Variants in VAV3 observed in about 807,000 individuals in gnomAD.
VAV3 encodes the protein guanine nucleotide exchange factor VAV3.
Under a neutral mutation model 131.2 loss-of-function variants are expected in VAV3, and 94 were observed. The ratio of observed to expected loss-of-function variants is 0.72; its 90% CI spans 0.61 to 0.85. VAV3 has a LOEUF of 0.85. Among genes scored for constraint, VAV3 ranks in the 40% least tolerant of loss-of-function variants. VAV3 has a pLI of 0.00. For synonymous variants in VAV3, 349 were observed against 342.0 expected (o/e 1.02, Z -0.22); for missense variants, 939 against 1,002.7 (o/e 0.94, Z 0.86).
intron 19 of VAV3, among the ~76,000 whole-genome samples, chr1:107,676,921 C>T (rs1570735851): frequency 6.6e-6 from 1 of 152,122 alleles, no homozygotes; most frequent in East Asian, 1.9e-4. Flanking sequence ...GTTTGTATGT[C>T]TTAACTCTCC....
At position 107,772,837 on chromosome 1, in the gene VAV3, G is replaced by A. The variant is rs771067180; in HGVS notation, c.453C>T (p.Thr151=). ...AGAGATCTTCTTCATCTTCCACAAG[G>A]GTTTCACTACAACAAAGGATATCAT... ...YKGLPDLIDE[T]LVEDEEDLYD... Residue 151 remains threonine, a synonymous_variant, in exon 5 of 27, where the codon ACC becomes ACT. Coordinates refer to ENST00000370056, the MANE Select transcript of VAV3 (RefSeq NM_006113.5). The A allele has an allele frequency of 1.9e-6, 3 of 1,612,396 alleles. No homozygotes were observed. The highest frequency in any genetic ancestry group is 2.2e-5 in the East Asian group (1 of 44,772).
chr1:107,747,941 C>G (rs1174353545), intron 15 of VAV3, among the ~76,000 whole-genome samples: 1 of 151,832 alleles, frequency 6.6e-6, no homozygotes, highest in Admixed American at 6.6e-5. Flanking sequence ...TTTCTTAAAA[C>G]AAGGAAAAAA....
At chr1:107,692,990 TG>T (rs1218246888) in intron 17 of VAV3, among the ~76,000 whole-genome samples, 7 of 151,824 alleles carry the variant, frequency 4.6e-5, no homozygotes, top group Non-Finnish European at 7.4e-5. Flanking sequence ...TGTAGTGTAG[TG>T]GGGGGAAAAG....
At position 107,964,859 on chromosome 1, in the gene VAV3, C is replaced by A; in HGVS notation, c.11G>T (p.Trp4Leu). Residue 4 changes from tryptophan (W) to leucine (L), a missense_variant, in exon 1 of 27, where the codon TGG (tryptophan) becomes TTG (leucine). Coordinates refer to ENST00000370056, the MANE Select transcript of VAV3 (RefSeq NM_006113.5). ...GATGAGCCACTGCGCGCACTGCTTCCACGGCTCCATGCCCGACGGCTCCGG... is the reference window on the plus strand; with the variant it reads ...GATGAGCCACTGCGCGCACTGCTTCAACGGCTCCATGCCCGACGGCTCCGG... The part of the protein sequence containing the change: MEP[W>L]KQCAQWLIHC... 6.2e-7 allele frequency: 1 copy of A among 1,601,958 alleles called. No homozygotes were observed. The highest frequency in any genetic ancestry group is 1.1e-5 in the South Asian group (1 of 89,060).
intron 12 of VAV3, among the ~76,000 whole-genome samples, chr1:107,754,115 C>T (rs139337396): frequency 5.3e-5 from 8 of 152,090 alleles, no homozygotes; most frequent in Non-Finnish European, 8.8e-5. Flanking sequence ...GTAAAGTTTA[C>T]GGGCAGTTAT....
rs1664666587 is a variant in VAV3 at position 107,765,114 on chromosome 1, T to C, written c.883A>G (p.Ile295Val). The C allele has an allele frequency of 1.2e-6, 2 of 1,613,394 alleles. No individual in the cohort carries two copies. Among genetic ancestry groups the C allele is most frequent in the Non-Finnish European group, 8.5e-7 (1 of 1,179,582 alleles). ...TTGACATCTTCTTTTGTCTTAGAAA[T>C]GTAGTCTAAACTAGAGATGGCTGAC... Reference protein sequence around the residue: ...VESAISSLDYISKTKEDVKLK... With the variant: ...VESAISSLDYVSKTKEDVKLK... Residue 295 changes from isoleucine (I) to valine (V), a missense_variant, in exon 9 of 27, where the codon ATT becomes GTT. Physicochemically the swap from Ile to Val is conservative, Grantham distance 29. Coordinates refer to ENST00000370056, the MANE Select transcript of VAV3 (RefSeq NM_006113.5).
intron 1 of VAV3, among the ~76,000 whole-genome samples, chr1:107,921,173 C>T (rs889396143): frequency 6.6e-6 from 1 of 152,176 alleles, no homozygotes; most frequent in African/African-American, 2.4e-5. Context: ...CAATCCCATC[C>T]GCTCTCTCAT....
intron 15 of VAV3, among the ~76,000 whole-genome samples, chr1:107,722,547 T>A (rs1661560102): frequency 6.6e-6 from 1 of 152,120 alleles, no homozygotes; most frequent in South Asian, 2.1e-4. Flanking sequence ...TTCCAACAAA[T>A]GGACTTATTT....
intron 1 of VAV3, among the ~76,000 whole-genome samples, chr1:107,951,762 A>G (rs553240440): frequency 6.6e-6 from 1 of 152,094 alleles, no homozygotes; most frequent in Non-Finnish European, 1.5e-5. Flanking sequence ...AATCAAAACC[A>G]TAATGAGATA....
At chr1:107,591,505 A>T (rs189501296) in intron 25 of VAV3, among the ~76,000 whole-genome samples, 1 of 152,246 alleles carries the variant, frequency 6.6e-6, no homozygotes, top group East Asian at 1.9e-4. Flanking sequence ...TTCAAATATG[A>T]TCTGTTCAGT....
chr1:107,889,203 T>C (rs1362938596), intron 1 of VAV3, among the ~76,000 whole-genome samples: 1 of 151,290 alleles, frequency 6.6e-6, no homozygotes, highest in Non-Finnish European at 1.5e-5. Context: ...TTTCAGGGCA[T>C]ATAACAATGC....
intron 25 of VAV3, among the ~76,000 whole-genome samples, chr1:107,595,167 C>T (rs1006136646): frequency 3.9e-5 from 6 of 152,096 alleles, no homozygotes; most frequent in Admixed American, 2.6e-4. Flanking sequence ...AAAGTTCGCT[C>T]TACTTTCATT....
chr1:107,946,984 C>T (rs1195030109), intron 1 of VAV3, among the ~76,000 whole-genome samples: 2 of 152,210 alleles, frequency 1.3e-5, no homozygotes. Context: ...ACAGCACAGA[C>T]AGTGGTGTCC....
At chr1:107,648,337 T>C (rs1655894271) in intron 19 of VAV3, among the ~76,000 whole-genome samples, 1 of 152,064 alleles carries the variant, frequency 6.6e-6, no homozygotes, top group African/African-American at 2.4e-5. Flanking sequence ...TATGATAATG[T>C]CTTTGGAAGT....
At chr1:107,855,823 A>AC (rs1270399863) in intron 2 of VAV3, among the ~76,000 whole-genome samples, 13 of 152,216 alleles carry the variant, frequency 8.5e-5, no homozygotes, top group African/African-American at 1.4e-4. Flanking sequence ...AAGATGTCTC[A>AC]CAGCTCTTCC....
chr1:107,758,656 G>A (rs908545557), intron 10 of VAV3, among the ~76,000 whole-genome samples: 4 of 152,140 alleles, frequency 2.6e-5, no homozygotes, highest in African/African-American at 9.6e-5. Context: ...TCACTCTATT[G>A]TCATCAGGGG....
At chr1:107,650,405 A>C (rs1169291868) in intron 19 of VAV3, among the ~76,000 whole-genome samples, 2 of 152,048 alleles carry the variant, frequency 1.3e-5, no homozygotes, top group Non-Finnish European at 2.9e-5. Flanking sequence ...CTCACTCCTT[A>C]AAACTCATAT....
intron 2 of VAV3, among the ~76,000 whole-genome samples, chr1:107,817,957 A>T (rs1667631719): frequency 6.6e-6 from 1 of 152,174 alleles, no homozygotes; most frequent in Non-Finnish European, 1.5e-5. Flanking sequence ...AATTCCCCAA[A>T]GGCCACCTCC....
At chr1:107,919,194 TTGAA>T (rs1267905323) in intron 1 of VAV3, among the ~76,000 whole-genome samples, 2 of 152,238 alleles carry the variant, frequency 1.3e-5, no homozygotes, top group Non-Finnish European at 2.9e-5. Flanking sequence ...TAAAGCTTTA[TTGAA>T]TGGTTATAAA....
Sources: allele counts gnomAD v4.1 joint callset (sites outside exome capture counted in the v4.1 genomes callset), GRCh38; gene constraint gnomAD v4.1.1; transcripts MANE v1.5; gene names NCBI Gene and HGNC (gene_info 2026-07-23, HGNC 2026-07-21).